CA2: variants seen among roughly 807,000 people sequenced by gnomAD.
CA2 encodes the protein carbonic anhydrase 2.
A neutral mutation model predicts 27.8 loss-of-function variants in CA2; 23 were observed. The ratio of observed to expected loss-of-function variants is 0.83; its 90% CI spans 0.59 to 1.17. The LOEUF (loss-of-function observed/expected upper bound fraction) is 1.17. CA2 is among the 50% of genes most tolerant of loss of function. CA2 has a pLI of 0.00. For synonymous variants in CA2, 99 were observed against 114.9 expected (o/e 0.86, Z 0.88); for missense variants, 300 against 314.7 (o/e 0.95, Z 0.35).
rs149692812 is a variant in CA2, at chr8:85,477,610, T to TA, written c.663+336dup. 3.4e-4 allele frequency among the ~76,000 whole-genome samples: 51 copies of TA among 152,156 alleles called. No homozygotes were observed. The East Asian group carries it at 9.8e-3, about 29-fold the overall frequency. On this transcript the variant is annotated intron_variant, in intron 6 of 6. Coordinates refer to ENST00000285379, the MANE Select transcript of CA2 (RefSeq NM_000067.3). The stretch of plus-strand genomic sequence containing the variant: ...AAAAGTGAGAGTTCATATTCAAGGT[T>TA]ACGCAGGTATCAGTGAGTTACCAGC...
intron 6 of CA2, 143 bp from the exon 7 acceptor site, chr8:85,480,527 C>A: frequency 2.7e-6 from 2 of 751,356 alleles, no homozygotes; most frequent in Non-Finnish European, 2.2e-6. Flanking sequence ...CCACCCGCCT[C>A]ATGCCTCAGC....
At chr8:85,474,841 A>G (rs1811767768) in intron 4 of CA2, among the ~76,000 whole-genome samples, 1 of 152,164 alleles carries the variant, frequency 6.6e-6, no homozygotes, top group African/African-American at 2.4e-5. Context: ...GAATGGAGAA[A>G]GGTCTGGGCT....
intron 2 of CA2, chr8:85,473,376 A>G: frequency 2.1e-6 from 1 of 483,342 alleles, no homozygotes; most frequent in Non-Finnish European, 4.1e-6. Context: ...CTATGACTCT[A>G]AAACAAACCC....
intron 1 of CA2, 105 bp from the exon 2 acceptor site, chr8:85,465,167 T>C: frequency 2.2e-6 from 2 of 899,874 alleles, no homozygotes; most frequent in Non-Finnish European, 3.6e-6. Flanking sequence ...GTGATGCTTC[T>C]AAAATTGGAA....
chr8:85,477,631 C>G (rs531405924), intron 6 of CA2, among the ~76,000 whole-genome samples: 2 of 151,388 alleles, frequency 1.3e-5, no homozygotes, highest in Non-Finnish European at 2.9e-5. Flanking sequence ...CAGTGAGTTA[C>G]CAGCCTACTA....
Position 85,474,308 on chromosome 8 carries a change from G to C in CA2, c.352-16G>C, listed in dbSNP as rs768919482. The C allele has an allele frequency of 6.9e-6, 11 of 1,599,718 alleles. No homozygotes were observed. In the African/African-American group the frequency reaches 1.5e-4, roughly 21 times the overall value. On this transcript the variant is annotated splice_polypyrimidine_tract_variant and intron_variant, in intron 3 of 6. Transcript: ENST00000285379. ...TATGTAAATCACTCACTGTGGCTTT[G>C]TCTCTTCGGCCTTAGCTTCACTTGG...
chr8:85,468,746 G>A (rs906587041), intron 2 of CA2, among the ~76,000 whole-genome samples: 3 of 151,774 alleles, frequency 2.0e-5, no homozygotes, highest in Admixed American at 6.6e-5. Flanking sequence ...GTGACAGAAC[G>A]AGACTCCATC....
intron 2 of CA2, among the ~76,000 whole-genome samples, chr8:85,468,288 A>G (rs1369538917): frequency 2.0e-5 from 3 of 146,644 alleles, no homozygotes; most frequent in Non-Finnish European, 4.4e-5. Flanking sequence ...AAAGGCAAGA[A>G]GGTATACTAA....
intron 2 of CA2, 143 bp downstream of exon 2, chr8:85,465,612 T>C (rs1478794961): frequency 1.1e-5 from 8 of 733,252 alleles, no homozygotes; most frequent in Non-Finnish European, 1.9e-5. Context: ...ATCATTTTCA[T>C]TAGGTCTCAG....
Position 85,465,361 on chromosome 8 carries a change from C to A in CA2, c.124C>A (p.Pro42Thr), listed in dbSNP as rs747884834. ...CGACACTCATACAGCCAAGTATGAC[C>A]CTTCCCTGAAGCCCCTGTCTGTTTC... ...DIDTHTAKYD[P>T]SLKPLSVSYD... is the part of the protein sequence containing the mutation. Residue 42 changes from proline (P) to threonine (T), a missense_variant, in exon 2 of 7, where the codon CCT (proline) becomes ACT (threonine). Coordinates refer to ENST00000285379, the MANE Select transcript of CA2 (RefSeq NM_000067.3). 1.1e-5 allele frequency: 17 copies of A among 1,613,786 alleles called. No individual in the cohort carries two copies. In the East Asian group the frequency reaches 3.6e-4, roughly 34 times the overall value.
chr8:85,479,087 G>T (rs368701492), intron 6 of CA2, among the ~76,000 whole-genome samples: 1 of 151,310 alleles, frequency 6.6e-6, no homozygotes, highest in Non-Finnish European at 1.5e-5. Flanking sequence ...GGGAGAGGGC[G>T]GATGTCTGTT....
intron 6 of CA2, 80 bp downstream of exon 6, chr8:85,477,355 G>A: frequency 6.6e-7 from 1 of 1,526,314 alleles, no homozygotes; most frequent in Non-Finnish European, 9.1e-7. Context: ...GAGTGAGAGA[G>A]AACTGAGATT....
intron 1 of CA2, chr8:85,464,418 C>T (rs887501039): frequency 1.0e-5 from 4 of 381,580 alleles, no homozygotes; most frequent in Non-Finnish European, 1.8e-5. Context: ...CGAGGACAGT[C>T]CCTCCCGGGT....
chr8:85,467,866 G>T (rs889687067), intron 2 of CA2, among the ~76,000 whole-genome samples: 1 of 152,122 alleles, frequency 6.6e-6, no homozygotes, highest in Non-Finnish European at 1.5e-5. Flanking sequence ...ACAGGGTTTC[G>T]GTAGGAGCTC....
At chr8:85,479,319 A>T (rs140191835) in intron 6 of CA2, among the ~76,000 whole-genome samples, 19 of 152,168 alleles carry the variant, frequency 1.2e-4, no homozygotes, top group African/African-American at 4.1e-4. Context: ...TTATGAACAG[A>T]CTCTCTTTCA....
intron 2 of CA2, among the ~76,000 whole-genome samples, chr8:85,466,205 A>G (rs1281416953): frequency 1.3e-5 from 2 of 150,994 alleles, no homozygotes; most frequent in African/African-American, 4.9e-5. Context: ...CTTTTGAAAC[A>G]AGAGAACAAT....
At chr8:85,465,579 C>A in intron 2 of CA2, 110 bp downstream of exon 2, 1 of 891,290 alleles carries the variant, frequency 1.1e-6, no homozygotes, top group Non-Finnish European at 1.8e-6. Context: ...CAGTTTGTCT[C>A]AGGACTCAAG....
At chr8:85,466,536 T>A (rs1185708483) in intron 2 of CA2, among the ~76,000 whole-genome samples, 1 of 152,092 alleles carries the variant, frequency 6.6e-6, no homozygotes, top group Non-Finnish European at 1.5e-5. Context: ...TTTAAAAAAA[T>A]TTGCAAACAC....
chr8:85,475,236 G>T (rs999565454), intron 4 of CA2, among the ~76,000 whole-genome samples: 1 of 151,708 alleles, frequency 6.6e-6, no homozygotes, highest in African/African-American at 2.4e-5. Context: ...GCTGGGCATG[G>T]TGGTATACAC....
Sources: allele counts gnomAD v4.1 joint callset (sites outside exome capture counted in the v4.1 genomes callset), GRCh38; gene constraint gnomAD v4.1.1; transcripts MANE v1.5; gene names NCBI Gene and HGNC (gene_info 2026-07-23, HGNC 2026-07-21).